Variants in IL15 observed in about 807,000 individuals in gnomAD.
IL15 encodes the protein interleukin-15.
IL15 carries 11 observed loss-of-function variants against 19.6 expected under a neutral mutation model. The ratio of observed to expected loss-of-function variants is 0.56; its 90% CI spans 0.35 to 0.93. The LOEUF (loss-of-function observed/expected upper bound fraction) is 0.93, where lower values mean the gene tolerates loss of function less well. Among genes scored for constraint, IL15 ranks in the 40% least tolerant of loss-of-function variants. The pLI is 0.01. For synonymous variants in IL15, 58 were observed against 59.6 expected, an observed-to-expected ratio of 0.97 and a Z score of 0.12; for missense variants, 197 against 186.5, an observed-to-expected ratio of 1.06 and a Z score of -0.33.
intron 2 of IL15, among the ~76,000 whole-genome samples, chr4:141,672,517 T>C (rs1365459676): frequency 6.6e-6 from 1 of 152,226 alleles, no homozygotes; most frequent in African/African-American, 2.4e-5. Flanking sequence ...CATTGATTTA[T>C]TTCTGTTGTT....
At chr4:141,649,410 G>T (rs1320222468) in intron 1 of IL15, among the ~76,000 whole-genome samples, 2 of 152,010 alleles carry the variant, frequency 1.3e-5, no homozygotes, top group Non-Finnish European at 2.9e-5. Flanking sequence ...GTGGTGACTG[G>T]TGCAGGGACT....
intron 2 of IL15, among the ~76,000 whole-genome samples, chr4:141,699,764 G>T (rs781080177): frequency 1.3e-5 from 2 of 152,044 alleles, no homozygotes; most frequent in African/African-American, 2.4e-5. Context: ...TTGGTTAGTG[G>T]CTGTTTTATC....
intron 1 of IL15, among the ~76,000 whole-genome samples, chr4:141,641,658 A>AG (rs1727047438): frequency 1.5e-5 from 2 of 131,680 alleles, no homozygotes; most frequent in South Asian, 4.9e-4. Context: ...ACCTGGACAC[A>AG]GGAAGGGGAA....
At chr4:141,714,144 CAT>C (rs1729796463) in intron 2 of IL15, among the ~76,000 whole-genome samples, 1 of 152,022 alleles carries the variant, frequency 6.6e-6, no homozygotes, top group East Asian at 1.9e-4. Flanking sequence ...ACTTTCTGCT[CAT>C]GTCTTTTTAT....
intron 2 of IL15, among the ~76,000 whole-genome samples, chr4:141,689,654 T>C (rs1235401003): frequency 6.6e-6 from 1 of 150,928 alleles, no homozygotes; most frequent in East Asian, 2.0e-4. Flanking sequence ...TCACAAACAC[T>C]GAGCTAGACA....
chr4:141,658,699 G>C (rs558816657), intron 2 of IL15, among the ~76,000 whole-genome samples: 42 of 150,886 alleles, frequency 2.8e-4, no homozygotes, highest in Non-Finnish European at 5.5e-4. Context: ...ACTCCAAGAG[G>C]AAAAAGGCAG....
chr4:141,677,194 C>T (rs1424002705), intron 2 of IL15, among the ~76,000 whole-genome samples: 1 of 152,176 alleles, frequency 6.6e-6, no homozygotes, highest in Non-Finnish European at 1.5e-5. Context: ...CTTCCACCTC[C>T]TCCACTTCTT....
At position 141,720,531 on chromosome 4, in the gene IL15, T is replaced by C. The variant is rs1285209710; in HGVS notation, c.75T>C (p.Phe25=). The C allele has an allele frequency of 6.3e-7, 1 of 1,596,300 alleles. No individual in the cohort carries two copies. The highest frequency in any genetic ancestry group is 1.1e-5 in the South Asian group (1 of 90,642). The change falls in exon 4 of 8, where the codon TTT becomes TTC. Residue 25 remains phenylalanine, a synonymous_variant. Coordinates refer to ENST00000320650, the MANE Select transcript of IL15 (RefSeq NM_000585.5). Reference sequence around the variant, plus strand: ...TGTGTTTACTTCTAAACAGTCATTTTCTAACTGAAGCTGGCATTCATGTCT... The same window carrying C: ...TGTGTTTACTTCTAAACAGTCATTTCCTAACTGAAGCTGGCATTCATGTCT... ...CYLCLLLNSH[F]LTEAGIHVFI...
chr4:141,675,427 G>T (rs1728310574), intron 2 of IL15, among the ~76,000 whole-genome samples: 1 of 152,130 alleles, frequency 6.6e-6, no homozygotes, highest in South Asian at 2.1e-4. Flanking sequence ...TTGGTAATGA[G>T]GTGAACTCCA....
At chr4:141,726,435 GAAC>G (rs1730266848) in intron 5 of IL15, among the ~76,000 whole-genome samples, 1 of 152,114 alleles carries the variant, frequency 6.6e-6, no homozygotes, top group African/African-American at 2.4e-5. Flanking sequence ...AAATATAAAT[GAAC>G]AAGGGTGATA....
intron 2 of IL15, among the ~76,000 whole-genome samples, chr4:141,708,954 A>G (rs548143740): frequency 6.6e-6 from 1 of 152,070 alleles, no homozygotes; most frequent in East Asian, 1.9e-4. Context: ...TTTTATGTTT[A>G]TAAGTGGATG....
At chr4:141,724,040 C>A (rs992279203) in intron 5 of IL15, among the ~76,000 whole-genome samples, 5 of 152,052 alleles carry the variant, frequency 3.3e-5, no homozygotes, top group Non-Finnish European at 7.4e-5. Context: ...AATATACTTT[C>A]TTTTATCAAG....
At chr4:141,730,067 T>C (rs913839696) in intron 7 of IL15, 83 bp downstream of exon 7, 1 of 1,068,416 alleles carries the variant, frequency 9.4e-7, no homozygotes, top group African/African-American at 1.6e-5. Flanking sequence ...AAGCAGATCC[T>C]CCTAAGGGGC....
chr4:141,704,626 T>C (rs935807774), intron 2 of IL15: 1 of 362,382 alleles, frequency 2.8e-6, no homozygotes, highest in Non-Finnish European at 5.6e-6. Context: ...TTGGTGTTAG[T>C]ACTTTATATA....
At chr4:141,726,705 G>C (rs1368042784) in intron 5 of IL15, among the ~76,000 whole-genome samples, 3 of 152,114 alleles carry the variant, frequency 2.0e-5, no homozygotes, top group African/African-American at 7.2e-5. Flanking sequence ...GCTTCAGTTG[G>C]TAAAATCTGT....
intron 2 of IL15, among the ~76,000 whole-genome samples, chr4:141,701,438 G>T (rs1431753859): frequency 1.3e-5 from 2 of 152,028 alleles, no homozygotes; most frequent in African/African-American, 4.8e-5. Context: ...TCCAAATGTT[G>T]TTTGTAGTAG....
At chr4:141,641,761 A>G (rs1175796632) in intron 1 of IL15, among the ~76,000 whole-genome samples, 3 of 151,504 alleles carry the variant, frequency 2.0e-5, no homozygotes, top group Non-Finnish European at 4.4e-5. Flanking sequence ...TAATGGGTGC[A>G]GCACACCAAC....
intron 2 of IL15, among the ~76,000 whole-genome samples, chr4:141,687,283 G>A (rs1229987659): frequency 6.6e-6 from 1 of 152,180 alleles, no homozygotes; most frequent in African/African-American, 2.4e-5. Flanking sequence ...CAAGAGCCTG[G>A]GAGATAGTGG....
At chr4:141,666,193 C>T (rs1413280818) in intron 2 of IL15, among the ~76,000 whole-genome samples, 1 of 151,920 alleles carries the variant, frequency 6.6e-6, no homozygotes, top group Non-Finnish European at 1.5e-5. Flanking sequence ...CTCCGCCTCC[C>T]GGGTTGACGC....
Sources: allele counts gnomAD v4.1 joint callset (sites outside exome capture counted in the v4.1 genomes callset), GRCh38; gene constraint gnomAD v4.1.1; transcripts MANE v1.5; gene names NCBI Gene and HGNC (gene_info 2026-07-23, HGNC 2026-07-21).